The following SRD5A1 variants were observed in gnomAD, a reference collection of about 807,000 sequenced individuals.
SRD5A1 encodes steroid 5 alpha-reductase 1.
SRD5A1 carries 22 observed loss-of-function variants against 28.2 expected under a neutral mutation model. That is an observed-to-expected ratio of 0.78 (90% CI 0.56 to 1.12). SRD5A1 has a LOEUF of 1.12. Ranked by LOEUF, SRD5A1 falls within the 50% of genes most tolerant of loss-of-function variation. The pLI is 0.00. For synonymous variants in SRD5A1, 151 were observed against 135.0 expected (o/e 1.12, Z -0.82); for missense variants, 300 against 346.7 (o/e 0.87, Z 1.07).
intron 1 of SRD5A1, chr5:6,644,897 T>G: frequency 4.4e-6 from 2 of 456,012 alleles, no homozygotes; most frequent in Non-Finnish European, 8.8e-6. Flanking sequence ...GAATCATGAT[T>G]CCAAGACGCA....
intron 1 of SRD5A1, among the ~76,000 whole-genome samples, chr5:6,636,297 G>A (rs922460775): frequency 2.0e-5 from 3 of 152,168 alleles, no homozygotes; most frequent in Admixed American, 6.5e-5. Context: ...CCCTGGAAGC[G>A]TCCTGGAGCC....
At chr5:6,659,837 C>CT (rs1309182331) in intron 3 of SRD5A1, among the ~76,000 whole-genome samples, 1 of 152,038 alleles carries the variant, frequency 6.6e-6, no homozygotes, top group Non-Finnish European at 1.5e-5. Context: ...TGTAGGGAGT[C>CT]TGAGTGCTGT....
intron 3 of SRD5A1, among the ~76,000 whole-genome samples, chr5:6,660,750 A>G (rs889488620): frequency 2.6e-5 from 4 of 152,234 alleles, no homozygotes; most frequent in African/African-American, 9.6e-5. Context: ...TATTTGTATT[A>G]GTCTGTTTTC....
intron 3 of SRD5A1, among the ~76,000 whole-genome samples, chr5:6,661,640 C>A (rs545835837): frequency 1.4e-5 from 2 of 145,772 alleles, no homozygotes; most frequent in East Asian, 4.2e-4. Flanking sequence ...TCAAGCGATT[C>A]TCATGCGTCA....
At chr5:6,662,476 A>G (rs540569061) in intron 3 of SRD5A1, among the ~76,000 whole-genome samples, 9 of 152,344 alleles carry the variant, frequency 5.9e-5, no homozygotes, top group African/African-American at 2.2e-4. Flanking sequence ...TCATTGCTCT[A>G]GGGTTCTATC....
chr5:6,654,044 G>A (rs1362266430), intron 2 of SRD5A1, among the ~76,000 whole-genome samples: 2 of 149,968 alleles, frequency 1.3e-5, no homozygotes, highest in African/African-American at 5.0e-5. Flanking sequence ...GAAGTAATAA[G>A]CAAATAATAA....
intron 3 of SRD5A1, among the ~76,000 whole-genome samples, chr5:6,659,764 C>T (rs1447266940): frequency 6.6e-6 from 1 of 152,060 alleles, no homozygotes; most frequent in African/African-American, 2.4e-5. Context: ...AACGTGGAAG[C>T]CAAAATATTA....
chr5:6,654,195 G>C (rs865973016), intron 2 of SRD5A1, among the ~76,000 whole-genome samples: 8 of 152,016 alleles, frequency 5.3e-5, no homozygotes, highest in Middle Eastern at 3.4e-3. Flanking sequence ...TGGGACTATA[G>C]GTGCATGCCA....
chr5:6,650,731 T>A (rs535643753), intron 1 of SRD5A1, among the ~76,000 whole-genome samples: 2 of 151,264 alleles, frequency 1.3e-5, no homozygotes, highest in Admixed American at 1.3e-4. Context: ...CATGCTGGTG[T>A]GCTGCACCCA....
At chr5:6,650,182 T>A (rs1398352571) in intron 1 of SRD5A1, among the ~76,000 whole-genome samples, 1 of 152,074 alleles carries the variant, frequency 6.6e-6, no homozygotes, top group African/African-American at 2.4e-5. Context: ...TCTGAGTGGA[T>A]CACGTGAGCC....
chr5:6,633,812 T>G lies in SRD5A1; in HGVS notation c.236T>G (p.Leu79Arg). The G allele has an allele frequency of 2.5e-6, 4 of 1,597,868 alleles. No homozygotes were observed. The highest frequency in any genetic ancestry group is 2.2e-5 in the South Asian group (2 of 91,032). ...YQYASESAPRLRSAPNCILLA... is the reference protein window; with the variant it reads ...YQYASESAPRRRSAPNCILLA... The stretch of plus-strand genomic sequence containing the variant: ...TACGCCAGCGAGTCCGCCCCGCGTC[T>G]CCGCAGCGCGCCCAACTGCATCCTC... Residue 79 changes from leucine (L) to arginine (R), a missense_variant, in exon 1 of 5, where the codon CTC (leucine) becomes CGC (arginine). Around this residue, in one of 2 missense-constraint regions of SRD5A1, gnomAD observed 174 missense variants for 160.9 expected, o/e 1.08. Coordinates refer to ENST00000274192, the MANE Select transcript of SRD5A1 (RefSeq NM_001047.4).
rs1738040927 is a variant in SRD5A1 at position 6,633,482 on chromosome 5, C to T, written c.-95C>T. 1 of 1,323,034 alleles carries T rather than the reference C, an allele frequency of 7.6e-7. No homozygotes were observed. Among genetic ancestry groups the T allele is most frequent in the Admixed American group, 3.7e-5 (1 of 27,018 alleles). The allele number at this position is 1,323,034 out of a possible 1,614,324, so 82.0% of individuals were successfully genotyped here. A position where few individuals can be genotyped will look rare whatever the true frequency, so the allele number is the denominator to read the frequency against. On this transcript the variant is annotated 5_prime_UTR_variant, in exon 1 of 5. Coordinates refer to ENST00000274192, the MANE Select transcript of SRD5A1 (RefSeq NM_001047.4). ...GGCAGTGCGGGACTCCGGTAGCCGC[C>T]CCTCCGGTAGCCGCCCCTCCTGCCC...
chr5:6,644,687 G>A lies in SRD5A1; in HGVS notation c.294-7155G>A, dbSNP rs934086997. 1.4e-5 allele frequency: 5 copies of A among 363,180 alleles called. No homozygotes were observed. The Admixed American group carries it at 1.5e-4, about 11-fold the overall frequency. 22.5% of individuals were successfully genotyped at this position (363,180 alleles called of 1,614,324 possible). A position where few individuals can be genotyped will look rare whatever the true frequency, so the allele number is the denominator to read the frequency against. On this transcript the variant is annotated intron_variant, in intron 1 of 4. Coordinates refer to ENST00000274192, the MANE Select transcript of SRD5A1 (RefSeq NM_001047.4). The stretch of plus-strand genomic sequence containing the variant: ...GCCTCCTGTTCTGGTTGACAAATGG[G>A]CCGAGGCAGGAAGGATGTCTGATCA...
chr5:6,663,107 C>A, intron 4 of SRD5A1, 141 bp downstream of exon 4: 1 of 1,023,830 alleles, frequency 9.8e-7, no homozygotes, highest in Non-Finnish European at 1.4e-6. Flanking sequence ...AGTACAAAAC[C>A]AAATAGCTGT....
In SRD5A1 at chr5:6,673,057, A is replaced by G. The variant is rs1400924985; in HGVS notation, c.*4789A>G. On this transcript the variant is annotated 3_prime_UTR_variant, in exon 5 of 5. Coordinates refer to ENST00000274192, the MANE Select transcript of SRD5A1 (RefSeq NM_001047.4). ...ACGTAGCCGGGAAAACTCCGTTCCC[A>G]ATTCAGATCCTCTGGGGAGGGCATC... 2 of 152,200 alleles carry G rather than the reference A, an allele frequency of 1.3e-5. No homozygotes were observed. Among genetic ancestry groups the G allele is most frequent in the Non-Finnish European group, 2.9e-5 (2 of 68,030 alleles). The allele number at this position is 152,200 out of a possible 1,614,324, so 9.4% of individuals were successfully genotyped here. A position where few individuals can be genotyped will look rare whatever the true frequency, so the allele number is the denominator to read the frequency against.
intron 3 of SRD5A1, among the ~76,000 whole-genome samples, chr5:6,659,763 GC>G (rs1738949971): frequency 2.6e-5 from 4 of 152,180 alleles, no homozygotes. Context: ...GAACGTGGAA[GC>G]CAAAATATTA....
intron 2 of SRD5A1, among the ~76,000 whole-genome samples, chr5:6,654,267 G>A (rs1186899129): frequency 6.6e-6 from 1 of 151,920 alleles, no homozygotes; most frequent in Non-Finnish European, 1.5e-5. Context: ...ATGTTGGCCA[G>A]ACTGGTCTTG....
At chr5:6,654,507 C>T (rs529911333) in intron 2 of SRD5A1, among the ~76,000 whole-genome samples, 31 of 152,266 alleles carry the variant, frequency 2.0e-4, no homozygotes, top group African/African-American at 7.5e-4. Flanking sequence ...GATCTTGGCT[C>T]ATGGCAACGT....
intron 1 of SRD5A1, among the ~76,000 whole-genome samples, chr5:6,650,484 A>T (rs992602689): frequency 2.2e-4 from 33 of 151,968 alleles, no homozygotes; most frequent in African/African-American, 7.7e-4. Flanking sequence ...CCCTCTTTCA[A>T]TGTGTTATAC....
Sources: allele counts gnomAD v4.1 joint callset (sites outside exome capture counted in the v4.1 genomes callset), GRCh38; gene constraint gnomAD v4.1.1; regional missense constraint gnomAD v4.1.1; transcripts MANE v1.5; gene names NCBI Gene and HGNC (gene_info 2026-07-23, HGNC 2026-07-21).